ARFGEF1: variants seen among roughly 807,000 people sequenced by gnomAD.
ARFGEF1 encodes brefeldin A-inhibited guanine nucleotide-exchange protein 1.
Under a neutral mutation model 231.0 loss-of-function variants are expected in ARFGEF1, and 42 were observed. That is an observed-to-expected ratio of 0.18 (90% CI 0.14 to 0.24). The LOEUF (loss-of-function observed/expected upper bound fraction) is 0.24, where lower values mean the gene tolerates loss of function less well. Ranked by LOEUF, ARFGEF1 falls within the 10% of genes least tolerant of loss-of-function variation. The pLI is 1.00. For synonymous variants in ARFGEF1, 710 were observed against 732.3 expected (o/e 0.97, Z 0.49); for missense variants, 1,345 against 2,192.0 (o/e 0.61, Z 7.72).
Position 67,266,116 on chromosome 8 carries a change from T to C in ARFGEF1, c.2013A>G (p.Thr671=), listed in dbSNP as rs753657230. The change falls in exon 14 of 39, where the codon ACA becomes ACG. Residue 671 remains threonine, a synonymous_variant. Transcript: ENST00000262215. ...TGTAGCTGCCTATTCCTGATGATGA[T>C]GTTGACTCCAGGGAATTTAAACTTC... is the stretch of plus-strand genomic sequence containing the variant. ...RYGSLNSLES[T]SSSGIGSYST... 28 of 1,613,890 alleles carry C rather than the reference T, an allele frequency of 1.7e-5. No individual in the cohort carries two copies. The highest frequency in any genetic ancestry group is 2.1e-5 in the Non-Finnish European group (25 of 1,179,866).
At chr8:67,252,412 C>T (rs1272745601) in intron 18 of ARFGEF1, among the ~76,000 whole-genome samples, 1 of 151,824 alleles carries the variant, frequency 6.6e-6, no homozygotes, top group Non-Finnish European at 1.5e-5. Flanking sequence ...GCGTTTTCGG[C>T]ACACCACCAT....
intron 29 of ARFGEF1, among the ~76,000 whole-genome samples, chr8:67,222,199 A>G (rs1587073701): frequency 7.2e-6 from 1 of 139,700 alleles, no homozygotes; most frequent in Non-Finnish European, 1.5e-5. Context: ...ATATATATAT[A>G]TATATACACA....
intron 7 of ARFGEF1, among the ~76,000 whole-genome samples, chr8:67,279,858 C>T (rs879773395): frequency 1.2e-4 from 19 of 152,096 alleles, no homozygotes; most frequent in African/African-American, 4.6e-4. Flanking sequence ...GCACTTAATA[C>T]AGTTAGTATT....
In ARFGEF1 at chr8:67,282,018, A is replaced by C. The variant is rs371182144; in HGVS notation, c.1028-4561T>G. On this transcript the variant is annotated intron_variant, in intron 7 of 38. Transcript: ENST00000262215. ...CAAGTTAATTTATAAGCACATTACA[A>C]TTTCAATTACTAAGTAAGCTTTAAT... 3.9e-5 allele frequency among the ~76,000 whole-genome samples: 6 copies of C among 152,138 alleles called. No individual in the cohort carries two copies. The East Asian group carries it at 5.8e-4, about 15-fold the overall frequency.
intron 7 of ARFGEF1, among the ~76,000 whole-genome samples, chr8:67,279,253 T>C (rs950210122): frequency 2.6e-5 from 4 of 152,164 alleles, no homozygotes; most frequent in African/African-American, 9.7e-5. Flanking sequence ...ATTACATCTC[T>C]TCCTATGATT....
chr8:67,288,074 G>A lies in ARFGEF1; in HGVS notation c.917-9C>T, dbSNP rs1443848969. The A allele has an allele frequency of 9.7e-6, 15 of 1,546,508 alleles. No individual in the cohort carries two copies. Among genetic ancestry groups the A allele is most frequent in the Non-Finnish European group, 1.1e-5 (13 of 1,144,004 alleles). On this transcript the variant is annotated splice_polypyrimidine_tract_variant and intron_variant, in intron 6 of 38. Coordinates refer to ENST00000262215, the MANE Select transcript of ARFGEF1 (RefSeq NM_006421.5). Reference sequence around the variant, plus strand: ...TTCATTTTTAGATAATGCTTTAAAAGAAGAAAAATTCAACAGAACATTATT... The same window carrying A: ...TTCATTTTTAGATAATGCTTTAAAAAAAGAAAAATTCAACAGAACATTATT...
intron 13 of ARFGEF1, 81 bp from the exon 14 acceptor site, chr8:67,266,288 G>A (rs927300359): frequency 6.4e-6 from 7 of 1,102,080 alleles, no homozygotes; most frequent in Non-Finnish European, 9.2e-6. Context: ...TCTTGAATAA[G>A]GCAAGGCGTT....
chr8:67,277,229 T>C (rs925044310), intron 8 of ARFGEF1, 53 bp downstream of exon 8: 3 of 1,570,524 alleles, frequency 1.9e-6, no homozygotes, highest in Admixed American at 1.8e-5. Context: ...TGGTAGCCTA[T>C]AAATTTGTAA....
chr8:67,242,542 C>A (rs553623526), intron 19 of ARFGEF1, among the ~76,000 whole-genome samples: 1 of 152,230 alleles, frequency 6.6e-6, no homozygotes, highest in Non-Finnish European at 1.5e-5. Flanking sequence ...CCCTGAATAG[C>A]CAGAGTGATA....
chr8:67,185,116 AACAAAAAC>A (rs1275177008), intron 5 of ARFGEF1, among the ~76,000 whole-genome samples: 1 of 149,810 alleles, frequency 6.7e-6, no homozygotes, highest in East Asian at 2.0e-4. Flanking sequence ...AAAAAAAAAA[AACAAAAAC>A]AAACAAACAA....
Position 67,199,065 on chromosome 8 carries a change from A to C in ARFGEF1, c.5419T>G (p.Leu1807Val), listed in dbSNP as rs772781521. The C allele has an allele frequency of 6.2e-6, 10 of 1,611,768 alleles. No individual in the cohort carries two copies. The highest frequency in any genetic ancestry group is 7.6e-6 in the Non-Finnish European group (9 of 1,179,480). Residue 1807 changes from leucine to valine, a missense_variant, in exon 39 of 39, where the codon TTA (leucine) becomes GTA (valine). Leu to Val is a conservative substitution (Grantham distance 32). Coordinates refer to ENST00000262215, the MANE Select transcript of ARFGEF1 (RefSeq NM_006421.5). Reference protein sequence around the residue: ...KAHASFYYPLLCEIMQFDLIP... With the variant: ...KAHASFYYPLVCEIMQFDLIP... ...AAGTCAAATTGCATAATTTCACATA[A>C]GAGAGGGTAGTAGAATGATGCATGA...
At chr8:67,192,271 C>T (rs996433322) in intron 5 of ARFGEF1, among the ~76,000 whole-genome samples, 1 of 152,002 alleles carries the variant, frequency 6.6e-6, no homozygotes. Context: ...GTTGGGGTTT[C>T]GCCATGTTGG....
rs746339944 is a variant in ARFGEF1 at position 67,227,339 on chromosome 8, T to C, written c.3744-30A>G. The C allele has an allele frequency of 5.6e-6, 9 of 1,603,218 alleles. No individual in the cohort carries two copies. The South Asian group carries it at 7.8e-5, about 14-fold the overall frequency. ...AAATATTAATATAATTGCTTGGATA[T>C]GCAAACCGATAAAACTCATCAGTTT... On this transcript the variant is annotated intron_variant, in intron 26 of 38. Coordinates refer to ENST00000262215, the MANE Select transcript of ARFGEF1 (RefSeq NM_006421.5).
At position 67,258,201 on chromosome 8, in the gene ARFGEF1, T is replaced by C; in HGVS notation, c.2325A>G (p.Lys775=). 6.2e-7 allele frequency: 1 copy of C among 1,612,448 alleles called. No individual in the cohort carries two copies. Among genetic ancestry groups the C allele is most frequent in the Non-Finnish European group, 8.5e-7 (1 of 1,178,562 alleles). ...AYVDQHDFSG[K]DFVSALRMFL... is the part of the protein sequence containing the mutation. ...ACATACGAAGGGCTGAAACGAAGTCTTTTCCTGAAAAGTCATGTTGGTCCA... is the reference window on the plus strand; with the variant it reads ...ACATACGAAGGGCTGAAACGAAGTCCTTTCCTGAAAAGTCATGTTGGTCCA... The change falls in exon 16 of 39, where the codon AAA becomes AAG. Residue 775 remains lysine, a synonymous_variant. Transcript: ENST00000262215.
At chr8:67,261,376 C>T (rs1374682058) in intron 14 of ARFGEF1, among the ~76,000 whole-genome samples, 1 of 152,144 alleles carries the variant, frequency 6.6e-6, no homozygotes, top group African/African-American at 2.4e-5. Flanking sequence ...GCTCATTTAC[C>T]ATTCCAAAGA....
chr8:67,258,435 C>T, intron 15 of ARFGEF1, 145 bp from the exon 16 acceptor site: 1 of 589,034 alleles, frequency 1.7e-6, no homozygotes, highest in South Asian at 2.1e-5. Context: ...AGCGATTCTC[C>T]TGCCTCGGCC....
intron 7 of ARFGEF1, among the ~76,000 whole-genome samples, chr8:67,286,671 C>T (rs1034573033): frequency 6.6e-6 from 1 of 152,098 alleles, no homozygotes; most frequent in Non-Finnish European, 1.5e-5. Context: ...GCATGTACTG[C>T]TATTTTTTCT....
chr8:67,250,104 G>C (rs1489800560), intron 19 of ARFGEF1, among the ~76,000 whole-genome samples: 2 of 152,226 alleles, frequency 1.3e-5, no homozygotes, highest in Non-Finnish European at 2.9e-5. Context: ...TGGAATTGGA[G>C]AGGCAGGTGG....
chr8:67,321,291 A>G (rs1807579833), intron 1 of ARFGEF1, among the ~76,000 whole-genome samples: 1 of 152,200 alleles, frequency 6.6e-6, no homozygotes, highest in Non-Finnish European at 1.5e-5. Flanking sequence ...CTGTATGTTA[A>G]CGTAAAAAAC....
Sources: allele counts gnomAD v4.1 joint callset (sites outside exome capture counted in the v4.1 genomes callset), GRCh38; gene constraint gnomAD v4.1.1; transcripts MANE v1.5; gene names NCBI Gene and HGNC (gene_info 2026-07-23, HGNC 2026-07-21).